The following SMC5 variants were observed in gnomAD, a reference collection of about 807,000 sequenced individuals.
The protein encoded by SMC5 is structural maintenance of chromosomes protein 5.
A neutral mutation model predicts 148.3 loss-of-function variants in SMC5; 88 were observed. That is an observed-to-expected ratio of 0.59 (90% CI 0.50 to 0.71). SMC5 has a LOEUF of 0.71. Ranked by LOEUF, SMC5 falls within the 30% of genes least tolerant of loss-of-function variation. The pLI is 0.00. For synonymous variants in SMC5, 421 were observed against 432.8 expected (o/e 0.97, Z 0.34); for missense variants, 1,142 against 1,298.9 (o/e 0.88, Z 1.86).
chr9:70,286,054 C>CTGTTGG (rs2034890978), intron 7 of SMC5, 146 bp from the exon 8 acceptor site: 1 of 627,858 alleles, frequency 1.6e-6, no homozygotes. Context: ...TTGCAAATAA[C>CTGTTGG]TGTTGGTATT....
At chr9:70,312,183 A>G (rs970060369) in intron 11 of SMC5, 1 of 148,612 alleles carries the variant, frequency 6.7e-6, no homozygotes, top group Non-Finnish European at 1.5e-5. Flanking sequence ...AGCAAAAGAG[A>G]TTTAATTGAC....
In SMC5 at chr9:70,264,460, T is replaced by C. The variant is rs774369266; in HGVS notation, c.327+15T>C. The C allele has an allele frequency of 6.8e-6, 11 of 1,610,518 alleles. No homozygotes were observed. Among genetic ancestry groups the C allele is most frequent in the Non-Finnish European group, 9.3e-6 (11 of 1,178,796 alleles). ...GAGCAGATAAGGTGAGTTAATATAA[T>C]TACTTTTTAAGAAATTTCAAACCTA... On this transcript the variant is annotated intron_variant, in intron 2 of 24. Coordinates refer to ENST00000361138, the MANE Select transcript of SMC5 (RefSeq NM_015110.4).
intron 24 of SMC5, among the ~76,000 whole-genome samples, chr9:70,351,184 T>G (rs751939433): frequency 2.6e-5 from 4 of 151,766 alleles, no homozygotes; most frequent in Non-Finnish European, 5.9e-5. Flanking sequence ...AAACCCCATC[T>G]CTACAAAAAA....
At chr9:70,322,830 T>TA (rs1194195181) in intron 15 of SMC5, among the ~76,000 whole-genome samples, 5 of 152,110 alleles carry the variant, frequency 3.3e-5, no homozygotes, top group Non-Finnish European at 4.4e-5. Context: ...ATAAGACTCC[T>TA]ATCTCAAACA....
At chr9:70,318,023 G>A (rs149614226) in intron 13 of SMC5, among the ~76,000 whole-genome samples, 4,306 of 152,158 alleles carry the variant, frequency 0.028, 92 homozygotes, top group Middle Eastern at 0.054. Context: ...TTGTATAGTA[G>A]CGTAGAAGTA....
chr9:70,328,254 C>T (rs2036132698), intron 17 of SMC5, among the ~76,000 whole-genome samples: 2 of 152,152 alleles, frequency 1.3e-5, no homozygotes, highest in Non-Finnish European at 2.9e-5. Flanking sequence ...AGTCTTAACT[C>T]ATTCTAGCAT....
chr9:70,310,980 A>C (rs1232950365), intron 11 of SMC5: 7 of 152,254 alleles, frequency 4.6e-5, no homozygotes, highest in Admixed American at 1.3e-4. Context: ...TTTGGCTTAA[A>C]GGGATGTTGT....
At chr9:70,268,177 G>C (rs189989360) in intron 3 of SMC5, among the ~76,000 whole-genome samples, 25 of 152,306 alleles carry the variant, frequency 1.6e-4, no homozygotes, top group African/African-American at 5.5e-4. Flanking sequence ...AGCCATGGTG[G>C]CTCATGCCTG....
At chr9:70,289,463 G>T (rs969303331) in intron 8 of SMC5, among the ~76,000 whole-genome samples, 2 of 151,888 alleles carry the variant, frequency 1.3e-5, no homozygotes, top group Admixed American at 1.3e-4. Flanking sequence ...TTTTATTTCT[G>T]TACCATGTTT....
rs143836939 is a variant in SMC5, at chr9:70,348,535, A to C, written c.2889+497A>C. The stretch of plus-strand genomic sequence containing the variant: ...GGCAAAATCGCATCTCTGTAAAAAT[A>C]CAAAAATTAGCTGGGTGCGGTGGTA... On this transcript the variant is annotated intron_variant, in intron 22 of 24. Transcript: ENST00000361138. 3.9e-3 allele frequency among the ~76,000 whole-genome samples: 594 copies of C among 152,080 alleles called. 3 individuals carry two copies. The highest frequency in any genetic ancestry group is 0.013 in the African/African-American group (549 of 41,492).
At chr9:70,300,411 A>G (rs992409842) in intron 10 of SMC5, among the ~76,000 whole-genome samples, 10 of 152,076 alleles carry the variant, frequency 6.6e-5, no homozygotes, top group South Asian at 2.1e-4. Context: ...TTTTCTAGAA[A>G]GAGGTATAAA....
intron 20 of SMC5, 146 bp downstream of exon 20, chr9:70,347,307 A>T (rs2036689675): frequency 1.7e-6 from 1 of 600,398 alleles, no homozygotes; most frequent in African/African-American, 1.9e-5. Flanking sequence ...GACAGCAGGA[A>T]CAATGTACTT....
At chr9:70,346,572 C>T in intron 18 of SMC5, 33 bp from the exon 19 acceptor site, 1 of 1,610,696 alleles carries the variant, frequency 6.2e-7, no homozygotes, top group South Asian at 1.1e-5. Context: ...CTTTCAATGC[C>T]CCACATATTC....
In SMC5 at chr9:70,347,053, A is replaced by G. The variant is rs545052914; in HGVS notation, c.2569-13A>G. 2.5e-5 allele frequency: 40 copies of G among 1,605,002 alleles called. No homozygotes were observed. The highest frequency in any genetic ancestry group is 3.2e-5 in the Non-Finnish European group (38 of 1,173,306). The stretch of plus-strand genomic sequence containing the variant: ...TTCATTGTATCTATAATGACGGGCA[A>G]TTTTTTTCTTAGGTTTTCCAAGACC... On this transcript the variant is annotated splice_polypyrimidine_tract_variant and intron_variant, in intron 19 of 24. Coordinates refer to ENST00000361138, the MANE Select transcript of SMC5 (RefSeq NM_015110.4).
chr9:70,329,046 G>C (rs2036156891), intron 17 of SMC5, among the ~76,000 whole-genome samples: 1 of 152,212 alleles, frequency 6.6e-6, no homozygotes, highest in African/African-American at 2.4e-5. Flanking sequence ...CATGCCCTAA[G>C]GCTGCACAGA....
chr9:70,351,346 C>G (rs1217967827), intron 24 of SMC5, among the ~76,000 whole-genome samples: 1 of 149,408 alleles, frequency 6.7e-6, no homozygotes, highest in East Asian at 2.0e-4. Flanking sequence ...AGAATGAGAC[C>G]TTGTTCCAAA....
At chr9:70,292,478 C>T (rs1430445846) in intron 8 of SMC5, among the ~76,000 whole-genome samples, 1 of 151,978 alleles carries the variant, frequency 6.6e-6, no homozygotes, top group Non-Finnish European at 1.5e-5. Context: ...TTCTTTCTTT[C>T]TGATTTGTAT....
intron 17 of SMC5, among the ~76,000 whole-genome samples, chr9:70,343,646 T>C (rs1322323935): frequency 6.6e-6 from 1 of 151,956 alleles, no homozygotes; most frequent in East Asian, 1.9e-4. Context: ...TGAAACCTTG[T>C]CTCTACTAAA....
At chr9:70,330,657 C>A (rs144415248) in intron 17 of SMC5, among the ~76,000 whole-genome samples, 10,418 of 151,578 alleles carry the variant, frequency 0.069, 566 homozygotes, top group East Asian at 0.22. Context: ...ATTTTCCTGC[C>A]TCAGCCTCCC....
Sources: gnomAD v4.1 joint callset for allele counts (sites outside exome capture counted in the v4.1 genomes callset) on GRCh38, gnomAD v4.1.1 for gene constraint, MANE v1.5 for transcripts, NCBI Gene and HGNC (gene_info 2026-07-23, HGNC 2026-07-21) for gene names.